Variants in IFT140 observed in about 807,000 individuals in gnomAD.
IFT140 encodes the protein intraflagellar transport protein 140 homolog.
Under a neutral mutation model 164.6 loss-of-function variants are expected in IFT140, and 133 were observed. That is an observed-to-expected ratio of 0.81 (90% CI 0.70 to 0.93). IFT140 has a LOEUF of 0.93. Among genes scored for constraint, IFT140 ranks in the 40% least tolerant of loss-of-function variants. The pLI is 0.00. For missense variants in IFT140, 2,045 were observed against 1,972.3 expected, an observed-to-expected ratio of 1.04 and a Z score of -0.70; for synonymous variants, 860 against 817.3, an observed-to-expected ratio of 1.05 and a Z score of -0.89.
rs1226646214 is a variant in IFT140 at position 1,566,191 on chromosome 16, GTCTC to G, written c.1867_1870del (p.Glu623ArgfsTer20). On this transcript the variant is annotated frameshift_variant, in exon 16 of 31. Transcript: ENST00000426508. LOFTEE classifies it high-confidence loss of function. ...AGTCTCTTGCTCATTAAAGGACAGC[GTCTC>G]TCTCCGATCAATTTGTCCAGTCTTG... 6.8e-6 allele frequency: 11 copies of G among 1,613,614 alleles called. No individual in the cohort carries two copies. The highest frequency in any genetic ancestry group is 1.7e-5 in the Admixed American group (1 of 59,994).
chr16:1,554,917 T>G, intron 19 of IFT140: 1 of 1,614,222 alleles, frequency 6.2e-7, no homozygotes, highest in African/African-American at 1.3e-5. Context: ...TGGAACATTC[T>G]CCACAAGAGG....
chr16:1,554,309 G>T (rs1335150822), intron 19 of IFT140, among the ~76,000 whole-genome samples: 1 of 152,238 alleles, frequency 6.6e-6, no homozygotes, highest in East Asian at 1.9e-4. Context: ...ATAAGACTTA[G>T]AAAAGTCTTT....
chr16:1,526,280 G>T, intron 20 of IFT140: 4 of 610,644 alleles, frequency 6.6e-6, no homozygotes. Context: ...CACCACCAAG[G>T]GGTACCCCAC....
intron 19 of IFT140, chr16:1,552,855 A>G: frequency 2.1e-6 from 1 of 485,306 alleles, no homozygotes; most frequent in Non-Finnish European, 2.7e-6. Context: ...GGGTTTCACC[A>G]TCTTGGCCAG....
intron 10 of IFT140, 124 bp from the exon 11 acceptor site, chr16:1,584,544 C>G: frequency 1.3e-6 from 1 of 741,714 alleles, no homozygotes; most frequent in Non-Finnish European, 2.2e-6. Flanking sequence ...TTGTTCCGGA[C>G]TTAAAAAATG....
In IFT140 at chr16:1,553,792, G is replaced by A. The variant is rs2032871634; in HGVS notation, c.2399+4143C>T. 2.5e-6 allele frequency: 3 copies of A among 1,196,458 alleles called. No individual in the cohort carries two copies. Among genetic ancestry groups the A allele is most frequent in the Non-Finnish European group, 3.2e-6 (3 of 946,134 alleles). 74.1% of individuals were successfully genotyped at this position (1,196,458 alleles called of 1,614,324 possible). On this transcript the variant is annotated intron_variant, in intron 19 of 30. Coordinates refer to ENST00000426508, the MANE Select transcript of IFT140 (RefSeq NM_014714.4). This position sits in a 1 kb window ranked among gnomAD's most constrained non-coding sequence, Gnocchi z 4.4. ...TGTGGACAGCCTCTCCTCCATCCTA[G>A]AGCCTATGTTTCCAGCTGGATTAGG...
intron 19 of IFT140, among the ~76,000 whole-genome samples, chr16:1,542,963 A>G (rs2031790718): frequency 6.6e-6 from 1 of 152,312 alleles, no homozygotes; most frequent in African/African-American, 2.4e-5. Flanking sequence ...GTTCTAGACA[A>G]GTGCTTGAGC....
rs535954190 is a variant in IFT140 at position 1,606,216 on chromosome 16, G to A, written c.147+904C>T. On this transcript the variant is annotated intron_variant, in intron 3 of 30. Transcript: ENST00000426508. ...TGTGGAAATGATTAGAGTTCCAAAT[G>A]GCCCCTATGGAGCGTGCAGGAGGGC... Among the ~76,000 whole-genome samples the A allele has an allele frequency of 2.0e-5, 3 of 152,310 alleles. No individual in the cohort carries two copies. The East Asian group carries it at 5.8e-4, about 29-fold the overall frequency.
In IFT140 at chr16:1,587,313, G is replaced by A. The variant is rs373647468; in HGVS notation, c.903-9C>T. The A allele has an allele frequency of 1.3e-6, 2 of 1,581,424 alleles. No individual in the cohort carries two copies. The highest frequency in any genetic ancestry group is 1.3e-5 in the African/African-American group (1 of 74,364). ...GTTCTATGTCCCAGAATCTACAACA[G>A]AAGAAAGCAAGCCCCATGGAGGGCC... On this transcript the variant is annotated splice_polypyrimidine_tract_variant and intron_variant, in intron 8 of 30. Transcript: ENST00000426508.
In IFT140 at chr16:1,591,224, G is replaced by T. The variant is rs2035163560; in HGVS notation, c.634+952C>A. On this transcript the variant is annotated intron_variant, in intron 6 of 30. Transcript: ENST00000426508. ...TAGGTGACCAGCGCTTCTTCCTTGT[G>T]GGCCTCATCTCTCCACCCCCTTCTC... is the stretch of plus-strand genomic sequence containing the variant. Among the ~76,000 whole-genome samples the T allele has an allele frequency of 1.3e-5, 2 of 151,978 alleles. 1 individual carries two copies. The highest frequency in any genetic ancestry group is 1.3e-4 in the Admixed American group (2 of 15,252).
At chr16:1,568,140 C>G (rs975240358) in intron 15 of IFT140, 77 bp downstream of exon 15, 142 of 1,013,822 alleles carry the variant, frequency 1.4e-4, no homozygotes, top group Non-Finnish European at 2.0e-4. Flanking sequence ...GAGAGAGGCA[C>G]GAGCAGGCAG....
intron 30 of IFT140, among the ~76,000 whole-genome samples, chr16:1,511,444 C>A (rs958151327): frequency 6.6e-6 from 1 of 152,224 alleles, no homozygotes; most frequent in Non-Finnish European, 1.5e-5. Flanking sequence ...CAGCTGTGCA[C>A]AGGCCTGCTC....
intron 19 of IFT140, among the ~76,000 whole-genome samples, chr16:1,528,398 G>GATGCACACACATGGACGCAC (rs1284369103): frequency 7.1e-6 from 1 of 141,704 alleles, no homozygotes; most frequent in Non-Finnish European, 1.5e-5. Flanking sequence ...CACACACACG[G>GATGCACACACATGGACGCAC]ATGCACACAC....
chr16:1,588,887 G>A (rs1236753727), intron 7 of IFT140, among the ~76,000 whole-genome samples: 1 of 152,164 alleles, frequency 6.6e-6, no homozygotes, highest in Non-Finnish European at 1.5e-5. Flanking sequence ...GGCTGTGGCC[G>A]TGGAAGGAGA....
intron 16 of IFT140, among the ~76,000 whole-genome samples, chr16:1,565,343 T>C (rs2033652837): frequency 6.6e-6 from 1 of 151,646 alleles, no homozygotes; most frequent in South Asian, 2.1e-4. Flanking sequence ...GCTGTGAAGA[T>C]GGAGAGTTCC....
At chr16:1,609,869 A>G (rs1431035307) in intron 2 of IFT140, 2 of 152,242 alleles carry the variant, frequency 1.3e-5, no homozygotes, top group African/African-American at 4.8e-5. Flanking sequence ...TTCTTGAAAC[A>G]AAGTTCCAGT....
At chr16:1,554,001 G>C (rs1291304592) in intron 19 of IFT140, 70 of 1,287,084 alleles carry the variant, frequency 5.4e-5, no homozygotes, top group Non-Finnish European at 6.7e-5. Flanking sequence ...GCCAACCAAG[G>C]GTTGCTCACG....
intron 2 of IFT140, among the ~76,000 whole-genome samples, chr16:1,609,000 C>T (rs2036213470): frequency 6.6e-6 from 1 of 152,052 alleles, no homozygotes. Context: ...CTAAAAAATA[C>T]AAAAATTAGC....
Position 1,602,571 on chromosome 16 carries a change from T to C in IFT140, c.168A>G (p.Thr56=), listed in dbSNP as rs1247273028. 7 of 1,612,728 alleles carry C rather than the reference T, an allele frequency of 4.3e-6. No individual in the cohort carries two copies. Among genetic ancestry groups the C allele is most frequent in the Non-Finnish European group, 5.1e-6 (6 of 1,180,044 alleles). The part of the protein sequence containing the change: ...YLEQGECVPD[T]HVERPFRVAS... ...CAACCCGGAACGGCCTCTCGACGTGTGTATCTGGCACGCACTCCCCCTGCA... is the reference window on the plus strand; with the variant it reads ...CAACCCGGAACGGCCTCTCGACGTGCGTATCTGGCACGCACTCCCCCTGCA... The change falls in exon 4 of 31, where the codon ACA becomes ACG. Residue 56 remains threonine (T), a synonymous_variant. Transcript: ENST00000426508.
Sources: allele counts gnomAD v4.1 joint callset (sites outside exome capture counted in the v4.1 genomes callset), GRCh38; gene constraint gnomAD v4.1.1; non-coding constraint Gnocchi (gnomAD v3.1); transcripts MANE v1.5; gene names NCBI Gene and HGNC (gene_info 2026-07-23, HGNC 2026-07-21).